The following AGPAT4 variants were observed in gnomAD, a reference collection of about 807,000 sequenced individuals.
AGPAT4 encodes 1-acylglycerol-3-phosphate O-acyltransferase 4, also known as 1-acyl-sn-glycerol-3-phosphate acyltransferase delta.
Under a neutral mutation model 48.0 loss-of-function variants are expected in AGPAT4, and 15 were observed. The observed-to-expected ratio is 0.31, with a 90% CI of 0.21 to 0.48. The LOEUF is 0.48. AGPAT4 is among the 20% of genes least tolerant of loss of function. The pLI is 0.99. For synonymous variants in AGPAT4, 178 were observed against 198.7 expected (o/e 0.90, Z 0.88); for missense variants, 314 against 482.5 (o/e 0.65, Z 3.27).
chr6:161,256,818 G>A (rs965410225), intron 1 of AGPAT4, among the ~76,000 whole-genome samples: 1 of 152,252 alleles, frequency 6.6e-6, no homozygotes, highest in Admixed American at 6.5e-5. Flanking sequence ...TGGCAACACT[G>A]AAATTTTCAT....
In AGPAT4 at chr6:161,234,465, G is replaced by A. The variant is rs1226633799; in HGVS notation, c.-89-2163C>T. 6.6e-6 allele frequency among the ~76,000 whole-genome samples: 1 copy of A among 152,064 alleles called. No homozygotes were observed. The highest frequency in any genetic ancestry group is 2.4e-5 in the African/African-American group (1 of 41,410). On this transcript the variant is annotated intron_variant, in intron 1 of 8. Transcript: ENST00000320285. The surrounding 1 kb of genome is among the most constrained non-coding windows in gnomAD (Gnocchi z 4.4). Reference sequence around the variant, plus strand: ...ACGGCATTTCCACAGATATTTCCAGGCTGGAAAACTCCTTACTGAGTTTCA... The same window carrying A: ...ACGGCATTTCCACAGATATTTCCAGACTGGAAAACTCCTTACTGAGTTTCA...
chr6:161,211,869 G>A (rs780687609), intron 2 of AGPAT4, among the ~76,000 whole-genome samples: 6 of 152,102 alleles, frequency 3.9e-5, no homozygotes, highest in Non-Finnish European at 8.8e-5. Context: ...AGGTCCTGTA[G>A]AAGATGCCAA....
intron 2 of AGPAT4, among the ~76,000 whole-genome samples, chr6:161,179,756 C>G (rs542232665): frequency 4.4e-4 from 67 of 152,264 alleles, no homozygotes; most frequent in Middle Eastern, 3.4e-3. Context: ...ATAGTACATA[C>G]ATTTTCTCTT....
chr6:161,247,090 A>G lies in AGPAT4; in HGVS notation c.-89-14788T>C, dbSNP rs545399216. 2.6e-5 allele frequency among the ~76,000 whole-genome samples: 4 copies of G among 152,380 alleles called. No individual in the cohort carries two copies. The South Asian group carries it at 8.3e-4, about 32-fold the overall frequency. ...CAGCACTGAAACTGCATGAGGCTAT[A>G]TGTTAAACTGACATGAAATTACTCA... On this transcript the variant is annotated intron_variant, in intron 1 of 8. Coordinates refer to ENST00000320285, the MANE Select transcript of AGPAT4 (RefSeq NM_020133.3).
chr6:161,138,500 C>T lies in AGPAT4; in HGVS notation c.1042+922G>A, dbSNP rs999096445. ...CATATGCTTGAGACTGGAACCACCA[C>T]GTGCATCAAATTGTCATTAACGATT... is the stretch of plus-strand genomic sequence containing the variant. On this transcript the variant is annotated intron_variant, in intron 8 of 8. Coordinates refer to ENST00000320285, the MANE Select transcript of AGPAT4 (RefSeq NM_020133.3). The surrounding 1 kb of genome is among the most constrained non-coding windows in gnomAD (Gnocchi z 4.8). Among the ~76,000 whole-genome samples the T allele has an allele frequency of 2.0e-5, 3 of 152,160 alleles. No homozygotes were observed. The highest frequency in any genetic ancestry group is 4.8e-5 in the African/African-American group (2 of 41,442).
chr6:161,220,629 A>C lies in AGPAT4; in HGVS notation c.178+11407T>G, dbSNP rs558182884. On this transcript the variant is annotated intron_variant, in intron 2 of 8. Coordinates refer to ENST00000320285, the MANE Select transcript of AGPAT4 (RefSeq NM_020133.3). This position sits in a 1 kb window ranked among gnomAD's most constrained non-coding sequence, Gnocchi z 6.0. ...ACCGAATATTGCAAAATGGGTAGGC[A>C]ATGCCCCCACCTGATTTGTGACGGG... Among the ~76,000 whole-genome samples, 3 of 152,242 alleles carry C rather than the reference A, an allele frequency of 2.0e-5. No homozygotes were observed. The South Asian group carries it at 6.2e-4, about 32-fold the overall frequency.
chr6:161,240,810 G>A lies in AGPAT4; in HGVS notation c.-89-8508C>T, dbSNP rs1292254719. 6.6e-6 allele frequency among the ~76,000 whole-genome samples: 1 copy of A among 152,302 alleles called. No homozygotes were observed. The highest frequency in any genetic ancestry group is 1.9e-4 in the East Asian group (1 of 5,184). On this transcript the variant is annotated intron_variant, in intron 1 of 8. Coordinates refer to ENST00000320285, the MANE Select transcript of AGPAT4 (RefSeq NM_020133.3). This position sits in a 1 kb window ranked among gnomAD's most constrained non-coding sequence, Gnocchi z 5.5. Reference sequence around the variant, plus strand: ...ACTAACTTGTACAGGTCTGAGGAACGTGCTCTGTTCTCACTCCTGGCAGAC... The same window carrying A: ...ACTAACTTGTACAGGTCTGAGGAACATGCTCTGTTCTCACTCCTGGCAGAC...
At chr6:161,213,003 C>T (rs539745971) in intron 2 of AGPAT4, among the ~76,000 whole-genome samples, 1 of 152,120 alleles carries the variant, frequency 6.6e-6, no homozygotes, top group Admixed American at 6.5e-5. Context: ...ATAAAAACCC[C>T]TTGGAAAAAA....
chr6:161,234,512 G>C lies in AGPAT4; in HGVS notation c.-89-2210C>G, dbSNP rs1035201235. 1.3e-5 allele frequency among the ~76,000 whole-genome samples: 2 copies of C among 152,184 alleles called. No individual in the cohort carries two copies. The highest frequency in any genetic ancestry group is 4.8e-5 in the African/African-American group (2 of 41,440). On this transcript the variant is annotated intron_variant, in intron 1 of 8. Transcript: ENST00000320285. The surrounding 1 kb of genome is among the most constrained non-coding windows in gnomAD (Gnocchi z 4.4). ...TTCAACACTCCCAGGCTCCCACTGA[G>C]GAATAGGCGTTAAGCTGGCAGCCCC...
intron 1 of AGPAT4, among the ~76,000 whole-genome samples, chr6:161,268,276 T>C (rs1783321185): frequency 6.6e-6 from 1 of 152,220 alleles, no homozygotes; most frequent in Non-Finnish European, 1.5e-5. Flanking sequence ...GTGTCTCTAA[T>C]GACCTCTGCA....
intron 5 of AGPAT4, among the ~76,000 whole-genome samples, chr6:161,150,026 C>T (rs1026960153): frequency 1.4e-4 from 22 of 152,160 alleles, no homozygotes; most frequent in African/African-American, 5.1e-4. Flanking sequence ...GCAGCATAAC[C>T]ATTCTATGAG....
In AGPAT4 at chr6:161,184,271, T is replaced by G. The variant is rs890079174; in HGVS notation, c.179-17854A>C. On this transcript the variant is annotated intron_variant, in intron 2 of 8. Coordinates refer to ENST00000320285, the MANE Select transcript of AGPAT4 (RefSeq NM_020133.3). This position sits in a 1 kb window ranked among gnomAD's most constrained non-coding sequence, Gnocchi z 4.8. ...GGAAATGGTGAGAAATGATCATATT[T>G]AGGATGATATATGCTACAGGCAGAG... Among the ~76,000 whole-genome samples, 2 of 151,662 alleles carry G rather than the reference T, an allele frequency of 1.3e-5. No homozygotes were observed. Among genetic ancestry groups the G allele is most frequent in the African/African-American group, 2.4e-5 (1 of 41,256 alleles).
At position 161,249,519 on chromosome 6, in the gene AGPAT4, C is replaced by G. The variant is rs747536469; in HGVS notation, c.-89-17217G>C. Among the ~76,000 whole-genome samples, 8 of 152,122 alleles carry G rather than the reference C, an allele frequency of 5.3e-5. No individual in the cohort carries two copies. The highest frequency in any genetic ancestry group is 1.5e-5 in the Non-Finnish European group (1 of 68,028). On this transcript the variant is annotated intron_variant, in intron 1 of 8. Transcript: ENST00000320285. The surrounding 1 kb of genome is among the most constrained non-coding windows in gnomAD (Gnocchi z 6.2). The stretch of plus-strand genomic sequence containing the variant: ...AGTGGGCAAAGGACATGAACAGACA[C>G]TTTTCAGAAGACATACATGAGGCCA...
At position 161,149,370 on chromosome 6, in the gene AGPAT4, A is replaced by G; in HGVS notation, c.665-81T>C. 1 of 1,216,814 alleles carries G rather than the reference A, an allele frequency of 8.2e-7. No homozygotes were observed. The highest frequency in any genetic ancestry group is 1.6e-5 in the South Asian group (1 of 63,500). The allele number at this position is 1,216,814 out of a possible 1,614,324, so 75.4% of individuals were successfully genotyped here. On this transcript the variant is annotated intron_variant, in intron 5 of 8. Coordinates refer to ENST00000320285, the MANE Select transcript of AGPAT4 (RefSeq NM_020133.3). The surrounding 1 kb of genome is among the most constrained non-coding windows in gnomAD (Gnocchi z 6.5). ...TCTGTAGATACACACATTGGAAGAC[A>G]ATAATCAAATGGCTAACTGCTTATC...
chr6:161,217,061 C>G lies in AGPAT4; in HGVS notation c.178+14975G>C, dbSNP rs1168238499. Reference sequence around the variant, plus strand: ...CACCTTCAGGCTTTCCTGTCCTTGTCAATTTCCGTTTAGGTGTTTTATCAT... The same window carrying G: ...CACCTTCAGGCTTTCCTGTCCTTGTGAATTTCCGTTTAGGTGTTTTATCAT... On this transcript the variant is annotated intron_variant, in intron 2 of 8. Coordinates refer to ENST00000320285, the MANE Select transcript of AGPAT4 (RefSeq NM_020133.3). This position sits in a 1 kb window ranked among gnomAD's most constrained non-coding sequence, Gnocchi z 4.9. Among the ~76,000 whole-genome samples the G allele has an allele frequency of 6.6e-6, 1 of 152,176 alleles. No homozygotes were observed. Among genetic ancestry groups the G allele is most frequent in the Non-Finnish European group, 1.5e-5 (1 of 68,042 alleles).
rs1010712497 is a variant in AGPAT4, at chr6:161,164,637, C to T, written c.348+1611G>A. 4.6e-5 allele frequency among the ~76,000 whole-genome samples: 7 copies of T among 152,212 alleles called. No individual in the cohort carries two copies. The highest frequency in any genetic ancestry group is 1.0e-4 in the Non-Finnish European group (7 of 68,040). ...TCCTCGGGCAAATCACTCAGCCAAA[C>T]TGAGGCTCTGGGGGTTTATTTATAA... On this transcript the variant is annotated intron_variant, in intron 3 of 8. Coordinates refer to ENST00000320285, the MANE Select transcript of AGPAT4 (RefSeq NM_020133.3). This position sits in a 1 kb window ranked among gnomAD's most constrained non-coding sequence, Gnocchi z 7.4.
At position 161,154,329 on chromosome 6, in the gene AGPAT4, C is replaced by G; in HGVS notation, c.349-19G>C. ...TGGAGCCCTGAAACAGAAGAAGGAG[C>G]CCAGGTGCCCATGAAGGAGACGTCA... is the stretch of plus-strand genomic sequence containing the variant. On this transcript the variant is annotated intron_variant, in intron 3 of 8. Coordinates refer to ENST00000320285, the MANE Select transcript of AGPAT4 (RefSeq NM_020133.3). The surrounding 1 kb of genome is among the most constrained non-coding windows in gnomAD (Gnocchi z 7.8). 1 of 1,613,658 alleles carries G rather than the reference C, an allele frequency of 6.2e-7. No homozygotes were observed.
Position 161,245,658 on chromosome 6 carries a change from C to A in AGPAT4, c.-89-13356G>T, listed in dbSNP as rs1356205822. Among the ~76,000 whole-genome samples, 1 of 152,112 alleles carries A rather than the reference C, an allele frequency of 6.6e-6. No individual in the cohort carries two copies. Among genetic ancestry groups the A allele is most frequent in the Non-Finnish European group, 1.5e-5 (1 of 68,018 alleles). ...CATCTCAGATACCAGAAACTGGGCT[C>A]TTTTCTCTTTGGTAGGCCCCTCCCT... On this transcript the variant is annotated intron_variant, in intron 1 of 8. Transcript: ENST00000320285. The surrounding 1 kb of genome is among the most constrained non-coding windows in gnomAD (Gnocchi z 5.2).
intron 2 of AGPAT4, among the ~76,000 whole-genome samples, chr6:161,205,522 A>G (rs1247190160): frequency 1.3e-5 from 2 of 151,534 alleles, no homozygotes; most frequent in African/African-American, 4.8e-5. Context: ...AGCACATCTC[A>G]TGGGGAAACT....
Sources: gnomAD v4.1 joint callset for allele counts (sites outside exome capture counted in the v4.1 genomes callset) on GRCh38, gnomAD v4.1.1 for gene constraint, Gnocchi (gnomAD v3.1) non-coding constraint, MANE v1.5 for transcripts, NCBI Gene and HGNC (gene_info 2026-07-23, HGNC 2026-07-21) for gene names.